The following RO60 variants were observed in gnomAD, a reference collection of about 807,000 sequenced individuals.
RO60 encodes Ro60, Y RNA binding protein, also known as RNA-binding protein RO60.
RO60 carries 20 observed loss-of-function variants against 55.3 expected under a neutral mutation model. That is an observed-to-expected ratio of 0.36 (90% CI 0.25 to 0.53). RO60 has a LOEUF of 0.53. Among genes scored for constraint, RO60 ranks in the 20% least tolerant of loss-of-function variants. The probability of loss-of-function intolerance (pLI) is 0.92; values close to 1 mark genes in which losing one functional copy is unlikely to be tolerated. For synonymous variants in RO60, 213 were observed against 213.6 expected (o/e 1.00, Z 0.02); for missense variants, 558 against 646.6 (o/e 0.86, Z 1.49).
At position 193,076,978 on chromosome 1, in the gene RO60, A is replaced by G; in HGVS notation, c.1014A>G (p.Arg338=). The part of the protein sequence containing the change: ...LETYKTGHGL[R]GKLKWRPDEE... ...CTTACAAGACAGGTCATGGTCTCAGAGGGAAACTGAAGTGGCGCCCTGATG... is the reference window on the plus strand; with the variant it reads ...CTTACAAGACAGGTCATGGTCTCAGGGGGAAACTGAAGTGGCGCCCTGATG... Residue 338 remains arginine, a synonymous_variant, in exon 5 of 9, where the codon AGA becomes AGG. Coordinates refer to ENST00000400968, the MANE Select transcript of RO60 (RefSeq NM_001173524.2). The G allele has an allele frequency of 6.2e-7, 1 of 1,613,278 alleles. No homozygotes were observed. The highest frequency in any genetic ancestry group is 8.5e-7 in the Non-Finnish European group (1 of 1,179,494).
In RO60 at chr1:193,076,547, G is replaced by A. The variant is rs1201593550; in HGVS notation, c.848G>A (p.Arg283Lys). ...GAAATGCCGCTTACTGCATTACTAA[G>A]GAATCTAGGAAAGATGACTGCTAAT... Reference protein sequence around the residue: ...LQEMPLTALLRNLGKMTANSV... With the variant: ...LQEMPLTALLKNLGKMTANSV... Residue 283 changes from arginine (R) to lysine (K), a missense_variant, in exon 4 of 9, where the codon AGG (arginine) becomes AAG (lysine). Arg to Lys is a conservative substitution (Grantham distance 26). Coordinates refer to ENST00000400968, the MANE Select transcript of RO60 (RefSeq NM_001173524.2). 6.2e-7 allele frequency: 1 copy of A among 1,612,592 alleles called. No individual in the cohort carries two copies. Among genetic ancestry groups the A allele is most frequent in the Non-Finnish European group, 8.5e-7 (1 of 1,179,362 alleles).
At chr1:193,060,028 G>A in intron 1 of RO60, 1 of 1,351,282 alleles carries the variant, frequency 7.4e-7, no homozygotes, top group Non-Finnish European at 9.9e-7. Context: ...CCGAAGCCGG[G>A]ACCGCTCCTG....
At chr1:193,080,529 A>T (rs966129792) in intron 5 of RO60, among the ~76,000 whole-genome samples, 1 of 152,152 alleles carries the variant, frequency 6.6e-6, no homozygotes, top group African/African-American at 2.4e-5. Flanking sequence ...TTTATTTTTG[A>T]TGCTATTGTG....
At chr1:193,065,783 A>C (rs1217620502) in intron 1 of RO60, among the ~76,000 whole-genome samples, 1 of 152,240 alleles carries the variant, frequency 6.6e-6, no homozygotes, top group Non-Finnish European at 1.5e-5. Context: ...TAATATGATC[A>C]TTACATCTCT....
chr1:193,061,288 C>G lies in RO60; in HGVS notation c.-22+1512C>G, dbSNP rs1430437049. Among the ~76,000 whole-genome samples the G allele has an allele frequency of 7.9e-5, 12 of 152,296 alleles. No individual in the cohort carries two copies. The East Asian group carries it at 2.3e-3, about 29-fold the overall frequency. ...CACATTGATCAGTGGATTCAGATACCTGTATCATGGGTAAACAAACCTCTA... is the reference window on the plus strand; with the variant it reads ...CACATTGATCAGTGGATTCAGATACGTGTATCATGGGTAAACAAACCTCTA... On this transcript the variant is annotated intron_variant, in intron 1 of 8. Transcript: ENST00000400968.
In RO60 at chr1:193,069,397, G is replaced by A; in HGVS notation, c.343G>A (p.Val115Ile). The change falls in exon 2 of 9, where the codon GTT (valine) becomes ATT (isoleucine). Residue 115 changes from valine to isoleucine, a missense_variant. Physicochemically the swap from Val to Ile is conservative, Grantham distance 29. Coordinates refer to ENST00000400968, the MANE Select transcript of RO60 (RefSeq NM_001173524.2). ...ISTKQAAFKAVSEVCRIPTHL... is the reference protein window; with the variant it reads ...ISTKQAAFKAISEVCRIPTHL... ...CACAAAACAAGCAGCATTTAAAGCTGTTTCTGAAGTTTGTCGCATTCCTAC... is the reference window on the plus strand; with the variant it reads ...CACAAAACAAGCAGCATTTAAAGCTATTTCTGAAGTTTGTCGCATTCCTAC... 6.2e-7 allele frequency: 1 copy of A among 1,614,040 alleles called. No individual in the cohort carries two copies. The highest frequency in any genetic ancestry group is 8.5e-7 in the Non-Finnish European group (1 of 1,179,884).
chr1:193,074,800 T>A (rs1673789147), intron 2 of RO60, among the ~76,000 whole-genome samples: 1 of 152,364 alleles, frequency 6.6e-6, no homozygotes, highest in East Asian at 1.9e-4. Context: ...AGACATGAAG[T>A]CCTTGCCCAC....
At position 193,084,561 on chromosome 1, in the gene RO60, T is replaced by C; in HGVS notation, c.1465-18T>C. The C allele has an allele frequency of 6.2e-7, 1 of 1,602,800 alleles. No individual in the cohort carries two copies. Among genetic ancestry groups the C allele is most frequent in the Non-Finnish European group, 8.5e-7 (1 of 1,175,108 alleles). On this transcript the variant is annotated intron_variant, in intron 8 of 8. Coordinates refer to ENST00000400968, the MANE Select transcript of RO60 (RefSeq NM_001173524.2). ...TTACATTTATGTTTTTAATATGTAT[T>C]TTGGTCTTTTTCTACAGAAAATGGA...
At chr1:193,070,173 A>G (rs756386244) in intron 2 of RO60, among the ~76,000 whole-genome samples, 14 of 151,994 alleles carry the variant, frequency 9.2e-5, no homozygotes, top group Non-Finnish European at 1.3e-4. Context: ...AGTTGCAATA[A>G]GCAAATCAGC....
chr1:193,082,763 A>ATTTTTT, intron 8 of RO60, 55 bp downstream of exon 8: 1 of 1,149,694 alleles, frequency 8.7e-7, no homozygotes, highest in Non-Finnish European at 1.2e-6. Flanking sequence ...TTAATACTTG[A>ATTTTTT]TTTTTTTTTT....
In RO60 at chr1:193,085,408, C is replaced by T; in HGVS notation, c.*677C>T. 3.0e-6 allele frequency: 3 copies of T among 985,436 alleles called. No homozygotes were observed. The highest frequency in any genetic ancestry group is 3.6e-6 in the Non-Finnish European group (3 of 830,970). The allele number at this position is 985,436 out of a possible 1,614,324, so 61.0% of individuals were successfully genotyped here. A position where few individuals can be genotyped will look rare whatever the true frequency, so the allele number is the denominator to read the frequency against. ...CATCATGGCAACCCCTAAGAATAGACTAAGTTTGTGTTGGCTGAGGGATTC... is the reference window on the plus strand; with the variant it reads ...CATCATGGCAACCCCTAAGAATAGATTAAGTTTGTGTTGGCTGAGGGATTC... On this transcript the variant is annotated 3_prime_UTR_variant, in exon 9 of 9. Coordinates refer to ENST00000400968, the MANE Select transcript of RO60 (RefSeq NM_001173524.2).
At chr1:193,080,854 T>G (rs1226040777) in intron 5 of RO60, among the ~76,000 whole-genome samples, 1 of 152,044 alleles carries the variant, frequency 6.6e-6, no homozygotes, top group Admixed American at 6.6e-5. Context: ...TGCCAGGGGC[T>G]AGGGAGAGAC....
At chr1:193,073,490 C>T (rs952230313) in intron 2 of RO60, among the ~76,000 whole-genome samples, 6 of 152,090 alleles carry the variant, frequency 3.9e-5, no homozygotes, top group Non-Finnish European at 7.4e-5. Flanking sequence ...AGCACTAAGT[C>T]AATACGTGTC....
At position 193,069,435 on chromosome 1, in the gene RO60, T is replaced by C. The variant is rs1365739264; in HGVS notation, c.381T>C (p.Thr127=). The change falls in exon 2 of 9, where the codon ACT becomes ACC. Residue 127 remains threonine (T), a synonymous_variant. Coordinates refer to ENST00000400968, the MANE Select transcript of RO60 (RefSeq NM_001173524.2). ...EVCRIPTHLF[T]FIQFKKDLKE... is the part of the protein sequence containing the mutation. ...GTCGCATTCCTACCCATCTCTTTAC[T>C]TTTATCCAGTTTAAGAAAGATCTGA... 1.2e-6 allele frequency: 2 copies of C among 1,614,220 alleles called. No individual in the cohort carries two copies. Among genetic ancestry groups the C allele is most frequent in the South Asian group, 1.1e-5 (1 of 91,084 alleles).
In RO60 at chr1:193,069,652, A is replaced by C; in HGVS notation, c.580+18A>C. 3.8e-6 allele frequency: 6 copies of C among 1,582,186 alleles called. No individual in the cohort carries two copies. Among genetic ancestry groups the C allele is most frequent in the Non-Finnish European group, 5.2e-6 (6 of 1,157,936 alleles). On this transcript the variant is annotated intron_variant, in intron 2 of 8. Coordinates refer to ENST00000400968, the MANE Select transcript of RO60 (RefSeq NM_001173524.2). ...CAGTGAAGGTAAGCATAAGATCTTC[A>C]TTGGGAAGAAGGGTGGGTAAGGGAT...
chr1:193,061,174 A>G (rs1003017403), intron 1 of RO60, among the ~76,000 whole-genome samples: 1 of 152,216 alleles, frequency 6.6e-6, no homozygotes, highest in Admixed American at 6.5e-5. Context: ...TACTAGTTCC[A>G]TACCACGTGG....
intron 2 of RO60, among the ~76,000 whole-genome samples, chr1:193,069,847 G>A (rs1039825788): frequency 6.6e-6 from 1 of 152,282 alleles, no homozygotes; most frequent in South Asian, 2.1e-4. Flanking sequence ...TCAAATGACA[G>A]GTTTATAGGT....
At chr1:193,065,553 T>C (rs1328435209) in intron 1 of RO60, among the ~76,000 whole-genome samples, 2 of 152,188 alleles carry the variant, frequency 1.3e-5, no homozygotes, top group Non-Finnish European at 2.9e-5. Flanking sequence ...GTCTATGTAA[T>C]GTAAAGATCA....
intron 2 of RO60, among the ~76,000 whole-genome samples, chr1:193,073,999 G>A (rs2103047252): frequency 1.3e-5 from 2 of 149,532 alleles, no homozygotes; most frequent in Non-Finnish European, 2.9e-5. Flanking sequence ...TTCGTTTTTT[G>A]TCCTTGCGAT....
Sources: gnomAD v4.1 joint callset for allele counts (sites outside exome capture counted in the v4.1 genomes callset) on GRCh38, gnomAD v4.1.1 for gene constraint, MANE v1.5 for transcripts, NCBI Gene and HGNC (gene_info 2026-07-23, HGNC 2026-07-21) for gene names.